The following RGMA variants were observed in gnomAD, a reference collection of about 807,000 sequenced individuals.
RGMA encodes repulsive guidance molecule BMP co-receptor a.
A neutral mutation model predicts 23.2 loss-of-function variants in RGMA; 10 were observed. The ratio of observed to expected loss-of-function variants is 0.43; its 90% confidence interval spans 0.27 to 0.73. RGMA has a LOEUF of 0.73. Among genes scored for constraint, RGMA ranks in the 30% least tolerant of loss-of-function variants. The pLI is 0.20. For synonymous variants in RGMA, 308 were observed against 279.3 expected, an observed-to-expected ratio of 1.10 and a Z score of -1.03; for missense variants, 547 against 630.5, an observed-to-expected ratio of 0.87 and a Z score of 1.42.
rs1027235691 is a variant in RGMA, at chr15:93,085,743, C to T, written c.14+3176G>A. Among the ~76,000 whole-genome samples, 40 of 152,180 alleles carry T rather than the reference C, an allele frequency of 2.6e-4. 2 individuals carry two copies. Among genetic ancestry groups the T allele is most frequent in the Non-Finnish European group, 2.9e-5 (2 of 68,028 alleles). On this transcript the variant is annotated intron_variant, in intron 1 of 3. Coordinates refer to ENST00000329082, the MANE Select transcript of RGMA (RefSeq NM_020211.3). ...CTTTTAAAATTCCTTCTTCTTCCTGCCCTAAGAATTGTAAAGTTTCACACC... is the reference window on the plus strand; with the variant it reads ...CTTTTAAAATTCCTTCTTCTTCCTGTCCTAAGAATTGTAAAGTTTCACACC...
chr15:93,056,336 C>G (rs1461419781), intron 2 of RGMA, among the ~76,000 whole-genome samples: 1 of 152,170 alleles, frequency 6.6e-6, no homozygotes, highest in Non-Finnish European at 1.5e-5. Flanking sequence ...GCAGACAGCG[C>G]CCCCAGGAGC....
chr15:93,088,798 A>AT (rs1895685550), intron 1 of RGMA, 121 bp downstream of exon 1: 1 of 971,770 alleles, frequency 1.0e-6, no homozygotes, highest in Non-Finnish European at 1.5e-6. Context: ...TGTGGGCAAG[A>AT]TGGGAGCAAG....
In RGMA at chr15:93,045,794, G is replaced by T; in HGVS notation, c.646-89C>A. The T allele has an allele frequency of 6.1e-6, 6 of 976,528 alleles. No individual in the cohort carries two copies. In the South Asian group the frequency reaches 8.9e-5, roughly 15 times the overall value. 60.5% of individuals were successfully genotyped at this position (976,528 alleles called of 1,614,324 possible). A position where few individuals can be genotyped will look rare whatever the true frequency, so the allele number is the denominator to read the frequency against. On this transcript the variant is annotated intron_variant, in intron 3 of 3. Transcript: ENST00000329082. The surrounding 1 kb of genome is among the most constrained non-coding windows in gnomAD (Gnocchi z 6.9). ...TTAAGATGCTCTAGACTGAGAGGAGGGCAGGAAGGATCCCCAGGGATGCCC... is the reference window on the plus strand; with the variant it reads ...TTAAGATGCTCTAGACTGAGAGGAGTGCAGGAAGGATCCCCAGGGATGCCC...
chr15:93,052,286 C>A lies in RGMA; in HGVS notation c.352G>T (p.Asp118Tyr). ...AGGCGTGGCTGCGAGGTGGGGCCAT[C>A]CTTGGAGCAGTTGTGCTGGCTCATG... ...DLMSQHNCSK[D>Y]GPTSQPRLRT... Residue 118 changes from aspartate (D) to tyrosine (Y), a missense_variant, in exon 3 of 4, where the codon GAT becomes TAT. Transcript: ENST00000329082. 1 of 1,603,094 alleles carries A rather than the reference C, an allele frequency of 6.2e-7. No individual in the cohort carries two copies. Among genetic ancestry groups the A allele is most frequent in the East Asian group, 2.2e-5 (1 of 44,670 alleles).
intron 1 of RGMA, chr15:93,073,821 C>T: frequency 6.6e-7 from 1 of 1,523,064 alleles, no homozygotes; most frequent in Non-Finnish European, 8.8e-7. Flanking sequence ...TGAAGACTTG[C>T]CCCGGCTGCG....
rs1054973467 is a variant in RGMA, at chr15:93,044,578, G to A, written c.*420C>T. The A allele has an allele frequency of 2.5e-5, 6 of 244,270 alleles. No individual in the cohort carries two copies. Among genetic ancestry groups the A allele is most frequent in the South Asian group, 6.2e-5 (1 of 16,166 alleles). 15.1% of individuals were successfully genotyped at this position (244,270 alleles called of 1,614,324 possible). On this transcript the variant is annotated 3_prime_UTR_variant, in exon 4 of 4. Coordinates refer to ENST00000329082, the MANE Select transcript of RGMA (RefSeq NM_020211.3). The stretch of plus-strand genomic sequence containing the variant: ...TGTGCTCTCGTGTAAGAGTGTGTGC[G>A]TGCGTGTGGCGGGCACAGGGGGCCC...
At chr15:93,057,026 T>G (rs1567184951) in intron 2 of RGMA, among the ~76,000 whole-genome samples, 1 of 152,088 alleles carries the variant, frequency 6.6e-6, no homozygotes, top group African/African-American at 2.4e-5. Context: ...ATGTGGCATC[T>G]CTCCTCTTCC....
Position 93,037,261 on chromosome 15 carries a change from C to T in RGMA, c.*7737G>A, listed in dbSNP as rs1482360009. On this transcript the variant is annotated 3_prime_UTR_variant, in exon 4 of 4. Coordinates refer to ENST00000329082, the MANE Select transcript of RGMA (RefSeq NM_020211.3). The surrounding 1 kb of genome is among the most constrained non-coding windows in gnomAD (Gnocchi z 4.3). ...GAGGCTGCAAAACAAGGAAAACCCACCCTTTTCATGCAGCCAGTAGGTGAC... is the reference window on the plus strand; with the variant it reads ...GAGGCTGCAAAACAAGGAAAACCCATCCTTTTCATGCAGCCAGTAGGTGAC... 2 of 152,278 alleles carry T rather than the reference C, an allele frequency of 1.3e-5. No homozygotes were observed. The highest frequency in any genetic ancestry group is 2.9e-5 in the Non-Finnish European group (2 of 68,074). The allele number at this position is 152,278 out of a possible 1,614,324, so 9.4% of individuals were successfully genotyped here.
At chr15:93,065,749 G>A (rs1895122920) in intron 2 of RGMA, 1 of 1,195,984 alleles carries the variant, frequency 8.4e-7, no homozygotes, top group Non-Finnish European at 1.2e-6. Flanking sequence ...ACCGTGGCTG[G>A]GCTTGGTCTC....
intron 2 of RGMA, among the ~76,000 whole-genome samples, chr15:93,069,822 C>G (rs890272272): frequency 1.3e-5 from 2 of 152,230 alleles, no homozygotes; most frequent in Non-Finnish European, 2.9e-5. Flanking sequence ...AGGACCCACA[C>G]ATAGTGAACA....
Position 93,035,387 on chromosome 15 carries a change from C to T in RGMA, c.*9611G>A, listed in dbSNP as rs1489031583. On this transcript the variant is annotated 3_prime_UTR_variant, in exon 4 of 4. Transcript: ENST00000329082. ...TGCAGCTGGGAAGAGAGATTGGGGT[C>T]CCCTCTGAATACAGTACAGGCAAGT... The T allele has an allele frequency of 6.6e-6, 1 of 152,216 alleles. No homozygotes were observed. Among genetic ancestry groups the T allele is most frequent in the Non-Finnish European group, 1.5e-5 (1 of 68,116 alleles). The allele number at this position is 152,216 out of a possible 1,614,324, so 9.4% of individuals were successfully genotyped here.
intron 2 of RGMA, among the ~76,000 whole-genome samples, chr15:93,057,715 T>C (rs1218243389): frequency 2.6e-5 from 4 of 152,132 alleles, no homozygotes; most frequent in African/African-American, 4.8e-5. Flanking sequence ...CTGGAGACAT[T>C]TGTCTGGCCA....
chr15:93,059,373 G>A lies in RGMA; in HGVS notation c.131-6866C>T, dbSNP rs1489832483. On this transcript the variant is annotated intron_variant, in intron 2 of 3. Transcript: ENST00000329082. ...CGGCTGCTGCCAACTGACCCATCCC[G>A]ACTTCTTGGGTTTCCCAGGTGTCCC... Among the ~76,000 whole-genome samples, 6 of 152,300 alleles carry A rather than the reference G, an allele frequency of 3.9e-5. No individual in the cohort carries two copies. In the South Asian group the frequency reaches 8.3e-4, roughly 21 times the overall value.
chr15:93,061,441 C>T (rs536777114), intron 2 of RGMA, among the ~76,000 whole-genome samples: 2 of 152,360 alleles, frequency 1.3e-5, no homozygotes, highest in East Asian at 1.9e-4. Flanking sequence ...TGAGCCACCA[C>T]GCCTGGCCCC....
chr15:93,052,824 G>A (rs538658775), intron 2 of RGMA, among the ~76,000 whole-genome samples: 2 of 152,318 alleles, frequency 1.3e-5, no homozygotes, highest in African/African-American at 2.4e-5. Flanking sequence ...AGGCCACCCT[G>A]GGGCCGCTGA....
At chr15:93,074,572 CTG>C (rs1895438140) in intron 1 of RGMA, among the ~76,000 whole-genome samples, 1 of 152,246 alleles carries the variant, frequency 6.6e-6, no homozygotes, top group South Asian at 2.1e-4. Context: ...GGGGGTGTCA[CTG>C]TGTTTCCCTG....
In RGMA at chr15:93,064,174, G is replaced by T. The variant is rs546195506; in HGVS notation, c.130+8742C>A. On this transcript the variant is annotated intron_variant, in intron 2 of 3. Coordinates refer to ENST00000329082, the MANE Select transcript of RGMA (RefSeq NM_020211.3). ...AGGCCACAAGCAGCTTCAGTGGGGGGGCTGATAGCTTCTCTAGGCAAGAGG... is the reference window on the plus strand; with the variant it reads ...AGGCCACAAGCAGCTTCAGTGGGGGTGCTGATAGCTTCTCTAGGCAAGAGG... Among the ~76,000 whole-genome samples the T allele has an allele frequency of 9.3e-3, 1,416 of 152,260 alleles. 27 individuals are homozygous for T. The highest frequency in any genetic ancestry group is 0.029 in the African/African-American group (1,200 of 41,562).
chr15:93,070,122 G>A (rs1458253889), intron 2 of RGMA, among the ~76,000 whole-genome samples: 5 of 152,200 alleles, frequency 3.3e-5, no homozygotes, highest in African/African-American at 1.2e-4. Context: ...GTCTGCCTGA[G>A]GGGCTTGGTT....
Position 93,043,641 on chromosome 15 carries a change from C to G in RGMA, c.*1357G>C, listed in dbSNP as rs977201623. 1.3e-5 allele frequency: 2 copies of G among 151,862 alleles called. No homozygotes were observed. The allele number at this position is 151,862 out of a possible 1,614,324, so 9.4% of individuals were successfully genotyped here. A position where few individuals can be genotyped will look rare whatever the true frequency, so the allele number is the denominator to read the frequency against. ...GGAGAGGGAGGGGCCGGGCCCCGAG[C>G]GCCCTCCCACCCGCCCACACACGGT... On this transcript the variant is annotated 3_prime_UTR_variant, in exon 4 of 4. Transcript: ENST00000329082.
Sources: allele counts gnomAD v4.1 joint callset (sites outside exome capture counted in the v4.1 genomes callset), GRCh38; gene constraint gnomAD v4.1.1; non-coding constraint Gnocchi (gnomAD v3.1); transcripts MANE v1.5; gene names NCBI Gene and HGNC (gene_info 2026-07-23, HGNC 2026-07-21).